ADAM28: variants seen among roughly 807,000 people sequenced by gnomAD.
ADAM28 encodes ADAM metallopeptidase domain 28.
A neutral mutation model predicts 101.2 loss-of-function variants in ADAM28; 105 were observed. The ratio of observed to expected loss-of-function variants is 1.04; its 90% CI spans 0.89 to 1.22. The LOEUF (loss-of-function observed/expected upper bound fraction) is 1.22, where lower values mean the gene tolerates loss of function less well. Ranked by LOEUF, ADAM28 falls within the 50% of genes most tolerant of loss-of-function variation. The pLI is 0.00. For missense variants in ADAM28, 1,028 were observed against 945.4 expected (o/e 1.09, Z -1.15); for synonymous variants, 322 against 310.6 (o/e 1.04, Z -0.39).
At chr8:24,294,321 T>A in intron 1 of ADAM28, 126 bp downstream of exon 1, 1 of 1,112,226 alleles carries the variant, frequency 9.0e-7, no homozygotes, top group Non-Finnish European at 1.3e-6. Context: ...TCAATCTTAC[T>A]AACCAGTTGG....
At chr8:24,302,609 C>T (rs1238767290) in intron 2 of ADAM28, among the ~76,000 whole-genome samples, 1 of 152,118 alleles carries the variant, frequency 6.6e-6, no homozygotes, top group Admixed American at 6.6e-5. Flanking sequence ...TCTATTGTTT[C>T]TTGACTTTTT....
intron 8 of ADAM28, among the ~76,000 whole-genome samples, chr8:24,323,565 G>C (rs556250879): frequency 9.9e-5 from 15 of 151,956 alleles, no homozygotes; most frequent in African/African-American, 3.4e-4. Context: ...GGAATATGTT[G>C]TCTTAACAGG....
chr8:24,313,731 C>A, intron 6 of ADAM28, 151 bp downstream of exon 6: 15 of 729,022 alleles, frequency 2.1e-5, no homozygotes, highest in Non-Finnish European at 3.2e-5. Flanking sequence ...ATTAATGATT[C>A]ATTTAACAAG....
intron 14 of ADAM28, among the ~76,000 whole-genome samples, chr8:24,337,253 T>C (rs1456829332): frequency 6.6e-6 from 1 of 152,216 alleles, no homozygotes; most frequent in East Asian, 1.9e-4. Flanking sequence ...AGGTTAAAGG[T>C]GGAAACAAAA....
At chr8:24,333,605 G>A (rs920099930) in intron 13 of ADAM28, among the ~76,000 whole-genome samples, 1 of 152,180 alleles carries the variant, frequency 6.6e-6, no homozygotes, top group Non-Finnish European at 1.5e-5. Context: ...CCTACCTGCT[G>A]CTGTTTCTCA....
chr8:24,296,038 T>C (rs1379195539), intron 1 of ADAM28: 1 of 151,920 alleles, frequency 6.6e-6, no homozygotes, highest in African/African-American at 2.4e-5. Context: ...CGAGAAAAAA[T>C]TGACTTATGG....
chr8:24,354,547 T>C lies in ADAM28; in HGVS notation c.*143T>C. ...AACATTTTCTGATTCATGTTAGACT[T>C]TGAAGAGACTAAAGAAAATTTTCAA... On this transcript the variant is annotated 3_prime_UTR_variant, in exon 23 of 23. Coordinates refer to ENST00000265769, the MANE Select transcript of ADAM28 (RefSeq NM_014265.6). 2.0e-6 allele frequency: 2 copies of C among 1,003,036 alleles called. No individual in the cohort carries two copies. Among genetic ancestry groups the C allele is most frequent in the Non-Finnish European group, 1.4e-6 (1 of 717,930 alleles). 62.1% of individuals were successfully genotyped at this position (1,003,036 alleles called of 1,614,324 possible).
intron 13 of ADAM28, among the ~76,000 whole-genome samples, chr8:24,333,847 C>G (rs913629775): frequency 6.6e-6 from 1 of 152,042 alleles, no homozygotes; most frequent in Non-Finnish European, 1.5e-5. Context: ...GCATATCGTT[C>G]TATATTGTGA....
chr8:24,313,402 AG>A lies in ADAM28; in HGVS notation c.403del (p.Asp135IlefsTer9). 1 of 1,611,294 alleles carries A rather than the reference AG, an allele frequency of 6.2e-7. No homozygotes were observed. The highest frequency in any genetic ancestry group is 8.5e-7 in the Non-Finnish European group (1 of 1,178,888). ...TCRGLRGYFSQGDQRYFIEPL... is the reference protein window; with the variant it reads ...TCRGLRGYFSXGDQRYFIEPL... ...TGTTTTTTCAGGGGCTACTTCAGTC[AG>A]GGGGATCAAAGATACTTTATTGAAC... On this transcript the variant is annotated frameshift_variant, in exon 6 of 23. Transcript: ENST00000265769. LOFTEE classifies it high-confidence loss of function.
At chr8:24,353,689 T>C in intron 21 of ADAM28, 81 bp from the exon 22 acceptor site, 1 of 975,746 alleles carries the variant, frequency 1.0e-6, no homozygotes, top group Non-Finnish European at 1.6e-6. Flanking sequence ...GGAAATAATT[T>C]CATTAAGGAA....
chr8:24,340,134 G>C (rs76751896), intron 15 of ADAM28, among the ~76,000 whole-genome samples: 2,205 of 152,198 alleles, frequency 0.014, 58 homozygotes, highest in African/African-American at 0.05. Flanking sequence ...AAGAACTTGG[G>C]ATTTTTCTAT....
intron 8 of ADAM28, among the ~76,000 whole-genome samples, chr8:24,321,695 A>C (rs1234658186): frequency 6.6e-6 from 1 of 151,966 alleles, no homozygotes; most frequent in East Asian, 1.9e-4. Context: ...GAACAACGCT[A>C]AATGTTACTA....
chr8:24,310,138 A>G (rs756985184), intron 3 of ADAM28, 25 bp from the exon 4 acceptor site: 1 of 1,610,378 alleles, frequency 6.2e-7, no homozygotes, highest in East Asian at 2.2e-5. Context: ...AAGTAACCAC[A>G]ACATTTTTGT....
intron 2 of ADAM28, among the ~76,000 whole-genome samples, chr8:24,307,496 G>A (rs997350890): frequency 1.3e-5 from 2 of 152,102 alleles, no homozygotes; most frequent in Non-Finnish European, 2.9e-5. Context: ...TAAAGAACAA[G>A]GTGGAACTTT....
At chr8:24,301,173 T>C (rs931955041) in intron 2 of ADAM28, among the ~76,000 whole-genome samples, 1 of 152,202 alleles carries the variant, frequency 6.6e-6, no homozygotes, top group Non-Finnish European at 1.5e-5. Flanking sequence ...CGGTTTCCCA[T>C]AGCATTTCTT....
At chr8:24,332,389 T>TC (rs1813463516) in intron 12 of ADAM28, among the ~76,000 whole-genome samples, 1 of 152,150 alleles carries the variant, frequency 6.6e-6, no homozygotes, top group Non-Finnish European at 1.5e-5. Context: ...TTCTTCATAT[T>TC]TTACCAAAAA....
chr8:24,324,699 G>A (rs528941328), intron 9 of ADAM28, among the ~76,000 whole-genome samples: 1 of 151,944 alleles, frequency 6.6e-6, no homozygotes. Flanking sequence ...TTGAAATAAG[G>A]CTTCTTCACT....
chr8:24,343,251 C>A (rs1431653968), intron 17 of ADAM28, 70 bp downstream of exon 17: 1 of 1,543,184 alleles, frequency 6.5e-7, no homozygotes, highest in Non-Finnish European at 8.9e-7. Flanking sequence ...CATAAGAAAG[C>A]TAAAGGAATA....
chr8:24,305,482 T>C (rs1333350969), intron 2 of ADAM28, among the ~76,000 whole-genome samples: 2 of 117,732 alleles, frequency 1.7e-5, no homozygotes, highest in African/African-American at 6.6e-5. Context: ...TTTTTTAAAA[T>C]ATGTCTTTGC....
Sources: gnomAD v4.1 joint callset for allele counts (sites outside exome capture counted in the v4.1 genomes callset) on GRCh38, gnomAD v4.1.1 for gene constraint, MANE v1.5 for transcripts, NCBI Gene and HGNC (gene_info 2026-07-23, HGNC 2026-07-21) for gene names.